MAK16: variants seen among roughly 807,000 people sequenced by gnomAD.
MAK16 encodes protein MAK16 homolog.
Under a neutral mutation model 49.9 loss-of-function variants are expected in MAK16, and 12 were observed. The observed-to-expected ratio is 0.24, with a 90% CI of 0.15 to 0.39. The LOEUF is 0.39. MAK16 is among the 10% of genes least tolerant of loss of function. The pLI is 1.00. For missense variants in MAK16, 292 were observed against 363.7 expected (o/e 0.80, Z 1.60); for synonymous variants, 115 against 126.4 (o/e 0.91, Z 0.60).
At chr8:33,490,382 C>CT in intron 6 of MAK16, 43 bp downstream of exon 6, 1 of 1,532,426 alleles carries the variant, frequency 6.5e-7, no homozygotes, top group African/African-American at 1.4e-5. Context: ...CATTTTCTTT[C>CT]TGGGGGTCTC....
At chr8:33,498,047 G>C (rs1808906356) in intron 9 of MAK16, among the ~76,000 whole-genome samples, 1 of 150,240 alleles carries the variant, frequency 6.7e-6, no homozygotes, top group South Asian at 2.1e-4. Context: ...AGTGAGCTGA[G>C]AGCGCACCAC....
In MAK16 at chr8:33,499,328, T is replaced by C; in HGVS notation, c.*699T>C. 7.6e-7 allele frequency: 1 copy of C among 1,308,250 alleles called. No individual in the cohort carries two copies. Among genetic ancestry groups the C allele is most frequent in the Non-Finnish European group, 1.1e-6 (1 of 906,330 alleles). 81.0% of individuals were successfully genotyped at this position (1,308,250 alleles called of 1,614,324 possible). Reference sequence around the variant, plus strand: ...TGATATTTTTTTTTTTTTAATTACTTTCCCCTTTTGCTTGATTCTTCTTCC... The same window carrying C: ...TGATATTTTTTTTTTTTTAATTACTCTCCCCTTTTGCTTGATTCTTCTTCC... On this transcript the variant is annotated 3_prime_UTR_variant, in exon 10 of 10. Coordinates refer to ENST00000360128, the MANE Select transcript of MAK16 (RefSeq NM_032509.4).
rs1809031919 is a variant in MAK16, at chr8:33,500,465, G to A, written c.*1836G>A. The A allele has an allele frequency of 6.2e-7, 1 of 1,614,106 alleles. No individual in the cohort carries two copies. The highest frequency in any genetic ancestry group is 8.5e-7 in the Non-Finnish European group (1 of 1,180,014). ...CAAATCAGTTTCAAGAGGGCCTTCA[G>A]TAAGACCACAAGTCTGCAGGAAACT... On this transcript the variant is annotated 3_prime_UTR_variant, in exon 10 of 10. Coordinates refer to ENST00000360128, the MANE Select transcript of MAK16 (RefSeq NM_032509.4).
At position 33,499,165 on chromosome 8, in the gene MAK16, T is replaced by C; in HGVS notation, c.*536T>C. 6.2e-7 allele frequency: 1 copy of C among 1,603,936 alleles called. No individual in the cohort carries two copies. Among genetic ancestry groups the C allele is most frequent in the Non-Finnish European group, 8.5e-7 (1 of 1,170,666 alleles). ...AAATCCTTTCCTCTTGGGAAAGTAA[T>C]ACAAGTCTTAAGTTCCATTGTAGGG... On this transcript the variant is annotated 3_prime_UTR_variant, in exon 10 of 10. Coordinates refer to ENST00000360128, the MANE Select transcript of MAK16 (RefSeq NM_032509.4).
Position 33,498,617 on chromosome 8 carries a change from C to T in MAK16, c.891C>T (p.Ala297=). 6.2e-7 allele frequency: 1 copy of T among 1,611,930 alleles called. No homozygotes were observed. Among genetic ancestry groups the T allele is most frequent in the Non-Finnish European group, 8.5e-7 (1 of 1,179,434 alleles). ...YEQETEPVAK[A]KTT ...AGGAGACAGAGCCCGTGGCCAAAGC[C>T]AAAACCACGTGATTTCCCTTTCAGC... The change falls in exon 10 of 10, where the codon GCC becomes GCT. Residue 297 remains alanine (A), a synonymous_variant. Coordinates refer to ENST00000360128, the MANE Select transcript of MAK16 (RefSeq NM_032509.4).
chr8:33,491,287 T>A lies in MAK16; in HGVS notation c.447+948T>A, dbSNP rs557093882. On this transcript the variant is annotated intron_variant, in intron 6 of 9. Transcript: ENST00000360128. ...TTTGATACACTAATTTCCTTTTGGG[T>A]CTGTACCCAGAAGTGGGACTGCTAG... Among the ~76,000 whole-genome samples, 21 of 152,292 alleles carry A rather than the reference T, an allele frequency of 1.4e-4. No individual in the cohort carries two copies. The East Asian group carries it at 4.1e-3, about 29-fold the overall frequency.
chr8:33,496,504 C>T (rs1225818029), intron 7 of MAK16, 121 bp from the exon 8 acceptor site: 3 of 645,282 alleles, frequency 4.6e-6, no homozygotes, highest in Non-Finnish European at 7.6e-6. Flanking sequence ...AAAAATATTA[C>T]TCATCAAATT....
At chr8:33,494,584 G>C (rs1296264776) in intron 6 of MAK16, among the ~76,000 whole-genome samples, 1 of 152,192 alleles carries the variant, frequency 6.6e-6, no homozygotes, top group Non-Finnish European at 1.5e-5. Context: ...CTGGCTCACT[G>C]TATCTGACAC....
At chr8:33,497,152 T>C (rs1808877060) in intron 8 of MAK16, 80 bp from the exon 9 acceptor site, 1 of 1,024,876 alleles carries the variant, frequency 9.8e-7, no homozygotes, top group Non-Finnish European at 1.5e-6. Flanking sequence ...GTTCTCATTA[T>C]GTTATTTTGT....
chr8:33,500,503 AGAAAAGCTAT>A lies in MAK16; in HGVS notation c.*1876_*1885del, dbSNP rs747054240. ...TCTGCAGGAAACTCTGGAATCAGGA[AGAAAAGCTAT>A]GTTCATACTCTAAATCTGGATATTA... On this transcript the variant is annotated 3_prime_UTR_variant, in exon 10 of 10. Transcript: ENST00000360128. 5.0e-6 allele frequency: 8 copies of A among 1,613,714 alleles called. No individual in the cohort carries two copies. Among genetic ancestry groups the A allele is most frequent in the Non-Finnish European group, 6.8e-6 (8 of 1,179,928 alleles).
In MAK16 at chr8:33,499,052, G is replaced by T; in HGVS notation, c.*423G>T. On this transcript the variant is annotated 3_prime_UTR_variant, in exon 10 of 10. Coordinates refer to ENST00000360128, the MANE Select transcript of MAK16 (RefSeq NM_032509.4). ...ATGGAGGTAAAAGGAAAGGAAGGAA[G>T]GAAAAAGCAGCTTTCACTTACAAAG... 1.2e-6 allele frequency: 1 copy of T among 836,714 alleles called. No individual in the cohort carries two copies. The highest frequency in any genetic ancestry group is 2.0e-6 in the Non-Finnish European group (1 of 505,234). The allele number at this position is 836,714 out of a possible 1,614,324, so 51.8% of individuals were successfully genotyped here. A position where few individuals can be genotyped will look rare whatever the true frequency, so the allele number is the denominator to read the frequency against.
chr8:33,494,118 G>C (rs939970645), intron 6 of MAK16, among the ~76,000 whole-genome samples: 1 of 152,158 alleles, frequency 6.6e-6, no homozygotes, highest in Non-Finnish European at 1.5e-5. Context: ...CTGTCGCCCA[G>C]GCTGGAGTGC....
rs1808989951 is a variant in MAK16 at position 33,499,609 on chromosome 8, G to GT, written c.*983dup. 1 of 225,204 alleles carries GT rather than the reference G, an allele frequency of 4.4e-6. No homozygotes were observed. The highest frequency in any genetic ancestry group is 2.3e-5 in the African/African-American group (1 of 43,042). The allele number at this position is 225,204 out of a possible 1,614,324, so 14.0% of individuals were successfully genotyped here. ...AAGATTAAAGAGCTAAGATGAAATA[G>GT]TTTGAATAAACTGGTAAAATAACAA... On this transcript the variant is annotated 3_prime_UTR_variant, in exon 10 of 10. Coordinates refer to ENST00000360128, the MANE Select transcript of MAK16 (RefSeq NM_032509.4).
At chr8:33,486,493 A>G (rs935680281) in intron 1 of MAK16, among the ~76,000 whole-genome samples, 2 of 152,234 alleles carry the variant, frequency 1.3e-5, no homozygotes, top group Non-Finnish European at 2.9e-5. Flanking sequence ...CCGAGGCTGC[A>G]GTGAGCTATG....
At chr8:33,494,593 A>G (rs1256747249) in intron 6 of MAK16, among the ~76,000 whole-genome samples, 1 of 152,220 alleles carries the variant, frequency 6.6e-6, no homozygotes, top group African/African-American at 2.4e-5. Context: ...TGTATCTGAC[A>G]CACAACTATT....
rs1016180316 is a variant in MAK16, at chr8:33,489,667, T to A, written c.392+528T>A. 6.6e-6 allele frequency among the ~76,000 whole-genome samples: 1 copy of A among 152,198 alleles called. No individual in the cohort carries two copies. Among genetic ancestry groups the A allele is most frequent in the African/African-American group, 2.4e-5 (1 of 41,436 alleles). On this transcript the variant is annotated intron_variant, in intron 5 of 9. Transcript: ENST00000360128. This position sits in a 1 kb window ranked among gnomAD's most constrained non-coding sequence, Gnocchi z 4.2. ...CTGGGATTACAGGCATGAGCCACCA[T>A]GCCCAGCCTTCAGAAAATTTCCTCT...
Position 33,488,038 on chromosome 8 carries a change from C to A in MAK16, c.16-340C>A, listed in dbSNP as rs189008991. 9.8e-5 allele frequency among the ~76,000 whole-genome samples: 15 copies of A among 152,316 alleles called. No individual in the cohort carries two copies. The East Asian group carries it at 2.7e-3, about 27-fold the overall frequency. On this transcript the variant is annotated intron_variant, in intron 1 of 9. Coordinates refer to ENST00000360128, the MANE Select transcript of MAK16 (RefSeq NM_032509.4). ...CCCTCTCCTGGGTTCAAGCGATTCTCCTGCCCCAGCCTCCCGAGTAGCTAG... is the reference window on the plus strand; with the variant it reads ...CCCTCTCCTGGGTTCAAGCGATTCTACTGCCCCAGCCTCCCGAGTAGCTAG...
intron 6 of MAK16, among the ~76,000 whole-genome samples, chr8:33,490,909 G>T (rs190605290): frequency 1.3e-5 from 2 of 151,900 alleles, no homozygotes; most frequent in African/African-American, 4.8e-5. Flanking sequence ...TTTAGCGGGG[G>T]TACCCATTAA....
chr8:33,489,438 G>A lies in MAK16; in HGVS notation c.392+299G>A, dbSNP rs550094924. 2 of 299,834 alleles carry A rather than the reference G, an allele frequency of 6.7e-6. No individual in the cohort carries two copies. The highest frequency in any genetic ancestry group is 4.0e-5 in the South Asian group (1 of 25,148). The allele number at this position is 299,834 out of a possible 1,614,324, so 18.6% of individuals were successfully genotyped here. A position where few individuals can be genotyped will look rare whatever the true frequency, so the allele number is the denominator to read the frequency against. On this transcript the variant is annotated intron_variant, in intron 5 of 9. Transcript: ENST00000360128. The surrounding 1 kb of genome is among the most constrained non-coding windows in gnomAD (Gnocchi z 4.2). The stretch of plus-strand genomic sequence containing the variant: ...CGCCCAGGCTGGAATTTGCAGTGGC[G>A]CGACCTCAGCTCACTGCAACCTCCA...
Sources: allele counts gnomAD v4.1 joint callset (sites outside exome capture counted in the v4.1 genomes callset), GRCh38; gene constraint gnomAD v4.1.1; non-coding constraint Gnocchi (gnomAD v3.1); transcripts MANE v1.5; gene names NCBI Gene and HGNC (gene_info 2026-07-23, HGNC 2026-07-21).